The following KCNQ2 variants were observed in gnomAD, a reference collection of about 807,000 sequenced individuals.
KCNQ2 encodes the protein potassium voltage-gated channel subfamily Q member 2.
Under a neutral mutation model 84.8 loss-of-function variants are expected in KCNQ2, and 14 were observed. The ratio of observed to expected loss-of-function variants is 0.17; its 90% confidence interval spans 0.11 to 0.26. The LOEUF (loss-of-function observed/expected upper bound fraction) is 0.26, where lower values mean the gene tolerates loss of function less well. Ranked by LOEUF, KCNQ2 falls within the 10% of genes least tolerant of loss-of-function variation. KCNQ2 has a pLI of 1.00. For synonymous variants in KCNQ2, 599 were observed against 554.1 expected (o/e 1.08, Z -1.14); for missense variants, 788 against 1,254.0 (o/e 0.63, Z 5.61).
chr20:63,407,452 T>A lies in KCNQ2; in HGVS notation c.1888-77A>T, dbSNP rs1490863962. ...GGGGACCCAGGCTGCTCCCAGGAAATGGGGGGGCCCAGGCTGGTTCCAGGA... is the reference window on the plus strand; with the variant it reads ...GGGGACCCAGGCTGCTCCCAGGAAAAGGGGGGGCCCAGGCTGGTTCCAGGA... On this transcript the variant is annotated intron_variant, in intron 16 of 16. Coordinates refer to ENST00000359125, the MANE Select transcript of KCNQ2 (RefSeq NM_172107.4). This position sits in a 1 kb window ranked among gnomAD's most constrained non-coding sequence, Gnocchi z 7.2. The A allele has an allele frequency of 2.6e-6, 4 of 1,517,542 alleles. No individual in the cohort carries two copies. The highest frequency in any genetic ancestry group is 3.6e-6 in the Non-Finnish European group (4 of 1,118,594). The allele number at this position is 1,517,542 out of a possible 1,614,324, so 94.0% of individuals were successfully genotyped here.
intron 1 of KCNQ2, among the ~76,000 whole-genome samples, chr20:63,452,445 G>A (rs1296575260): frequency 1.3e-5 from 2 of 152,204 alleles, no homozygotes; most frequent in Non-Finnish European, 2.9e-5. Flanking sequence ...CCACCCCCAC[G>A]GCAGAGGGTC....
chr20:63,456,871 T>C (rs1440722344), intron 1 of KCNQ2, among the ~76,000 whole-genome samples: 1 of 152,210 alleles, frequency 6.6e-6, no homozygotes, highest in East Asian at 1.9e-4. Flanking sequence ...AGGCTGCACC[T>C]CCCCGGGGCT....
rs2082218485 is a variant in KCNQ2 at position 63,471,670 on chromosome 20, C to T, written c.296+498G>A. 4 of 153,774 alleles carry T rather than the reference C, an allele frequency of 2.6e-5. No homozygotes were observed. In the Admixed American group the frequency reaches 2.6e-4, roughly 10 times the overall value. 9.5% of individuals were successfully genotyped at this position (153,774 alleles called of 1,614,324 possible). ...GGGGGGTCATGGGAGGGCCCCTCCC[C>T]CATCTCAGGAACCCAGAAGCTCACC... On this transcript the variant is annotated intron_variant, in intron 1 of 16. Transcript: ENST00000359125.
In KCNQ2 at chr20:63,402,234, G is replaced by A. The variant is rs59684388; in HGVS notation, c.*4410C>T. On this transcript the variant is annotated 3_prime_UTR_variant, in exon 17 of 17. Coordinates refer to ENST00000359125, the MANE Select transcript of KCNQ2 (RefSeq NM_172107.4). ...TCGTGAGCCGTCCCTCTCACGCCAC[G>A]TCTGCCGGGCACCCTCCACGGCAGG... 0.1 allele frequency: 18,909 copies of A among 180,642 alleles called. 1,383 individuals are homozygous for A. The highest frequency in any genetic ancestry group is 0.22 in the African/African-American group (9,076 of 41,076). The allele number at this position is 180,642 out of a possible 1,614,324, so 11.2% of individuals were successfully genotyped here. A position where few individuals can be genotyped will look rare whatever the true frequency, so the allele number is the denominator to read the frequency against.
At chr20:63,434,526 T>C (rs1407613520) in intron 7 of KCNQ2, 5 of 152,310 alleles carry the variant, frequency 3.3e-5, no homozygotes, top group Non-Finnish European at 7.3e-5. Flanking sequence ...GTGCGACCAC[T>C]GCCCCTATCT....
rs2081932056 is a variant in KCNQ2 at position 63,460,960 on chromosome 20, T to C, written c.296+11208A>G. On this transcript the variant is annotated intron_variant, in intron 1 of 16. Coordinates refer to ENST00000359125, the MANE Select transcript of KCNQ2 (RefSeq NM_172107.4). This position sits in a 1 kb window ranked among gnomAD's most constrained non-coding sequence, Gnocchi z 5.4. ...CGAGACTCATCTTGCCCATGAGAAG[T>C]GTGGACAGTATGCCGTTAACACCAC... The C allele has an allele frequency of 6.6e-6, 1 of 152,136 alleles. No homozygotes were observed. Among genetic ancestry groups the C allele is most frequent in the South Asian group, 2.1e-4 (1 of 4,828 alleles). 9.4% of individuals were successfully genotyped at this position (152,136 alleles called of 1,614,324 possible).
rs1181238403 is a variant in KCNQ2, at chr20:63,406,780, G to A, written c.2483C>T (p.Ala828Val). 2 of 1,612,546 alleles carry A rather than the reference G, an allele frequency of 1.2e-6. No homozygotes were observed. Among genetic ancestry groups the A allele is most frequent in the South Asian group, 2.2e-5 (2 of 91,048 alleles). ...CTCCGCAATGTAGGGCCTGACTTTG[G>A]CACAAGGCGCCACGGCCGCGTAGCA... Reference protein sequence around the residue: ...NSCYAAVAPCAKVRPYIAEGE... With the variant: ...NSCYAAVAPCVKVRPYIAEGE... Residue 828 changes from alanine (A) to valine (V), a missense_variant, in exon 17 of 17, where the codon GCC becomes GTC. Physicochemically the swap from Ala to Val is moderately conservative, Grantham distance 64 (BLOSUM62 0). Around this residue, in one of 8 missense-constraint regions of KCNQ2, gnomAD observed 378 missense variants for 434.5 expected, o/e 0.87. Transcript: ENST00000359125.
At position 63,457,325 on chromosome 20, in the gene KCNQ2, G is replaced by A. The variant is rs147358483; in HGVS notation, c.297-10488C>T. On this transcript the variant is annotated intron_variant, in intron 1 of 16. Transcript: ENST00000359125. ...CCGGCAGCACCCACCTGAGCCTAAG[G>A]CCATGGGGCAGGGACGGGAGGTGAC... Among the ~76,000 whole-genome samples the A allele has an allele frequency of 9.8e-3, 1,496 of 152,346 alleles. 28 individuals carry two copies. The highest frequency in any genetic ancestry group is 0.035 in the African/African-American group (1,446 of 41,586).
chr20:63,459,164 G>C (rs1031071666), intron 1 of KCNQ2: 1 of 152,258 alleles, frequency 6.6e-6, no homozygotes, highest in Non-Finnish European at 1.5e-5. Context: ...GGGCAGGCTC[G>C]GCAAGGAAAG....
intron 4 of KCNQ2, 92 bp downstream of exon 4, chr20:63,444,567 G>A (rs886477712): frequency 1.8e-5 from 21 of 1,172,994 alleles, no homozygotes; most frequent in Non-Finnish European, 2.3e-5. Flanking sequence ...CAGGGCTCTT[G>A]AAGCAAACCC....
intron 5 of KCNQ2, among the ~76,000 whole-genome samples, chr20:63,440,717 G>GT (rs2081136780): frequency 6.6e-6 from 1 of 152,180 alleles, no homozygotes; most frequent in South Asian, 2.1e-4. Context: ...TGAGGACAGG[G>GT]TGGGCCGGCT....
At chr20:63,411,993 G>A (rs910984400) in intron 15 of KCNQ2, 10 of 645,726 alleles carry the variant, frequency 1.5e-5, no homozygotes, top group East Asian at 5.8e-5. Flanking sequence ...AGGCTCCGTC[G>A]AAACAGGTGC....
chr20:63,456,609 C>A (rs771024205), intron 1 of KCNQ2, among the ~76,000 whole-genome samples: 23 of 152,226 alleles, frequency 1.5e-4, no homozygotes, highest in Non-Finnish European at 2.9e-4. Flanking sequence ...CCCACTCCCA[C>A]TCCACGGGCT....
At chr20:63,421,682 AACAGGCACGGGGGAGCCCGC>A (rs1394733510) in intron 11 of KCNQ2, among the ~76,000 whole-genome samples, 6 of 151,850 alleles carry the variant, frequency 4.0e-5, no homozygotes, top group Non-Finnish European at 5.9e-5. Context: ...GGGGAGCCCG[AACAGGCACGGGGGAGCCCGC>A]ACAGGCATGA....
At chr20:63,428,247 C>G in intron 10 of KCNQ2, 120 bp downstream of exon 10, 1 of 753,300 alleles carries the variant, frequency 1.3e-6, no homozygotes, top group East Asian at 2.7e-5. Flanking sequence ...TCCAGCGTCC[C>G]CGCGCGTCCC....
rs4809302 is a variant in KCNQ2, at chr20:63,444,985, G to A, written c.515-151C>T. The A allele has an allele frequency of 0.51, 507,253 of 998,588 alleles. 132,128 individuals are homozygous for A. Among genetic ancestry groups the A allele is most frequent in the African/African-American group, 0.63 (38,568 of 61,380 alleles). 61.9% of individuals were successfully genotyped at this position (998,588 alleles called of 1,614,324 possible). ...TGTGGGCTCTGTCAGGCCCCAGGAA[G>A]GACATTACTATCGTCCACCCTGCCT... On this transcript the variant is annotated intron_variant, in intron 3 of 16. Coordinates refer to ENST00000359125, the MANE Select transcript of KCNQ2 (RefSeq NM_172107.4).
Position 63,415,066 on chromosome 20 carries a change from C to G in KCNQ2, c.1362G>C (p.Gly454=). 1 of 1,607,040 alleles carries G rather than the reference C, an allele frequency of 6.2e-7. No individual in the cohort carries two copies. The highest frequency in any genetic ancestry group is 8.5e-7 in the Non-Finnish European group (1 of 1,179,902). The part of the protein sequence containing the change: ...FSSPRGVAAK[G]KGSPQAQTVR... ...CAGTCTGGGCCTGCGGGGACCCCTTCCCCTTGGCAGCCACGCCTCGGGGGC... is the reference window on the plus strand; with the variant it reads ...CAGTCTGGGCCTGCGGGGACCCCTTGCCCTTGGCAGCCACGCCTCGGGGGC... The change falls in exon 13 of 17, where the codon GGG becomes GGC. Residue 454 remains glycine (G), a synonymous_variant. Coordinates refer to ENST00000359125, the MANE Select transcript of KCNQ2 (RefSeq NM_172107.4).
At chr20:63,433,003 G>A (rs1359904936) in intron 8 of KCNQ2, among the ~76,000 whole-genome samples, 1 of 152,222 alleles carries the variant, frequency 6.6e-6, no homozygotes, top group East Asian at 1.9e-4. Context: ...CAGAGGGCGG[G>A]CGGGCAAGGT....
At chr20:63,443,088 T>G (rs1272831784) in intron 4 of KCNQ2, among the ~76,000 whole-genome samples, 2 of 10,408 alleles carry the variant, frequency 1.9e-4, no homozygotes, top group Non-Finnish European at 1.8e-4. Context: ...CCACCACCAT[T>G]ATCACCACCA....
Sources: allele counts gnomAD v4.1 joint callset (sites outside exome capture counted in the v4.1 genomes callset), GRCh38; gene constraint gnomAD v4.1.1; regional missense constraint gnomAD v4.1.1; non-coding constraint Gnocchi (gnomAD v3.1); transcripts MANE v1.5; gene names NCBI Gene and HGNC (gene_info 2026-07-23, HGNC 2026-07-21).